The following WNT10A variants were observed in gnomAD, a reference collection of about 807,000 sequenced individuals.
The protein encoded by WNT10A is Wnt family member 10A.
A neutral mutation model predicts 36.1 loss-of-function variants in WNT10A; 37 were observed. That is an observed-to-expected ratio of 1.02 (90% CI 0.79 to 1.35). The LOEUF (loss-of-function observed/expected upper bound fraction) is 1.35. WNT10A is among the 40% of genes most tolerant of loss of function. The pLI is 0.00. For missense variants in WNT10A, 613 were observed against 601.4 expected (o/e 1.02, Z -0.20); for synonymous variants, 255 against 254.1 (o/e 1.00, Z -0.03).
chr2:218,882,582 A>G (rs961211566), intron 2 of WNT10A, among the ~76,000 whole-genome samples, 159 bp downstream of exon 2: 1 of 152,114 alleles, frequency 6.6e-6, no homozygotes, highest in African/African-American at 2.4e-5. Flanking sequence ...TTCTGATCTC[A>G]GGCCATGGGG....
At chr2:218,881,671 G>C (rs1944517779) in intron 1 of WNT10A, among the ~76,000 whole-genome samples, 1 of 152,168 alleles carries the variant, frequency 6.6e-6, no homozygotes, top group African/African-American at 2.4e-5. Flanking sequence ...TGTATGTTAA[G>C]ATGAACACAT....
At position 218,891,612 on chromosome 2, in the gene WNT10A, GCCT is replaced by G. The variant is rs954552180; in HGVS notation, c.757-1145_757-1143del. ...CGCCATCCCAGCCCATACCAACGGT[GCCT>G]CCTCCTCCTCCTCCTCGTTAAACTG... On this transcript the variant is annotated intron_variant, in intron 3 of 3. Transcript: ENST00000258411. 8.6e-5 allele frequency among the ~76,000 whole-genome samples: 13 copies of G among 151,874 alleles called. No individual in the cohort carries two copies. In the South Asian group the frequency reaches 1.5e-3, roughly 17 times the overall value.
chr2:218,886,633 C>T (rs1309890103), intron 2 of WNT10A, among the ~76,000 whole-genome samples: 2 of 136,562 alleles, frequency 1.5e-5, no homozygotes, highest in Non-Finnish European at 3.2e-5. Flanking sequence ...CCCCCACCCA[C>T]CCCCCCACCG....
At chr2:218,890,549 G>C (rs1944639390) in intron 3 of WNT10A, among the ~76,000 whole-genome samples, 186 bp downstream of exon 3, 1 of 152,190 alleles carries the variant, frequency 6.6e-6, no homozygotes, top group Admixed American at 6.5e-5. Flanking sequence ...ACTGGACTAG[G>C]CCTGGGGATA....
rs886039454 is a variant in WNT10A, at chr2:218,892,820, C to G, written c.803C>G (p.Ser268Ter). 3 of 1,596,882 alleles carry G rather than the reference C, an allele frequency of 1.9e-6. No individual in the cohort carries two copies. The highest frequency in any genetic ancestry group is 2.6e-6 in the Non-Finnish European group (3 of 1,173,214). The stretch of plus-strand genomic sequence containing the variant: ...CGGAAGTGCAAGTGCCACGGCACGT[C>G]AGGCAGCTGCCAGCTCAAGACGTGC... ...MRRKCKCHGT[S>*]GSCQLKTCWQ... Residue 268 changes from serine to a stop codon, truncating the protein, a stop_gained, in exon 4 of 4, where the codon TCA becomes TGA. Transcript: ENST00000258411. LOFTEE classifies it high-confidence loss of function.
intron 2 of WNT10A, among the ~76,000 whole-genome samples, chr2:218,886,936 G>A (rs1222000670): frequency 6.6e-6 from 1 of 152,078 alleles, no homozygotes; most frequent in Non-Finnish European, 1.5e-5. Flanking sequence ...CATGGGGTAG[G>A]GGTGTTCTCT....
At chr2:218,890,460 C>CA in intron 3 of WNT10A, 97 bp downstream of exon 3, 2 of 1,539,082 alleles carry the variant, frequency 1.3e-6, no homozygotes, top group Non-Finnish European at 1.8e-6. Flanking sequence ...GTTGCTCCCA[C>CA]ATGTCACACC....
At chr2:218,890,490 C>A (rs949264088) in intron 3 of WNT10A, 127 bp downstream of exon 3, 76 of 1,372,062 alleles carry the variant, frequency 5.5e-5, no homozygotes, top group Non-Finnish European at 7.2e-5. Context: ...TTCTCGTTGA[C>A]CCTGTCTAAT....
intron 2 of WNT10A, among the ~76,000 whole-genome samples, chr2:218,886,217 A>G (rs1384995238): frequency 3.3e-5 from 5 of 151,332 alleles, no homozygotes; most frequent in African/African-American, 9.7e-5. Flanking sequence ...ACGTGCACGC[A>G]CACACACACA....
rs1371718238 is a variant in WNT10A at position 218,892,916 on chromosome 2, TCCGG to T, written c.903_906del (p.Pro302ThrfsTer135). 16 of 1,513,130 alleles carry T rather than the reference TCCGG, an allele frequency of 1.1e-5. No homozygotes were observed. Among genetic ancestry groups the T allele is most frequent in the African/African-American group, 1.4e-5 (1 of 70,124 alleles). The allele number at this position is 1,513,130 out of a possible 1,614,324, so 93.7% of individuals were successfully genotyped here. A position where few individuals can be genotyped will look rare whatever the true frequency, so the allele number is the denominator to read the frequency against. On this transcript the variant is annotated frameshift_variant, in exon 4 of 4. Coordinates refer to ENST00000258411, the MANE Select transcript of WNT10A (RefSeq NM_025216.3). LOFTEE classifies it high-confidence loss of function. Reference sequence around the variant, plus strand: ...AGCCGCTTCCACCGCGCCACGCTCATCCGGCCGCACAACCGCAACGGCGGCCAGC... The same window carrying T: ...AGCCGCTTCCACCGCGCCACGCTCATCCGCACAACCGCAACGGCGGCCAGC...
At chr2:218,880,592 A>G (rs1485400971), upstream of WNT10A, 7 of 193,930 alleles carry the variant, frequency 3.6e-5, no homozygotes, top group Non-Finnish European at 2.1e-5. The surrounding 1 kb of genome is among the most constrained non-coding windows in gnomAD (Gnocchi z 7.7). Flanking sequence ...CCCGCCAGCC[A>G]GCCTCGCACG....
rs928677784 is a variant in WNT10A, at chr2:218,880,873, C to A, written c.-123C>A. ...CGCCGTCTGCTCCGGGAGCCCTGAC[C>A]CGAGTCGGAGCTGTGTGTCGCAGCC... On this transcript the variant is annotated 5_prime_UTR_variant, in exon 1 of 4. Transcript: ENST00000258411. This position sits in a 1 kb window ranked among gnomAD's most constrained non-coding sequence, Gnocchi z 7.7. 7.3e-4 allele frequency: 910 copies of A among 1,250,414 alleles called. 2 individuals carry two copies. The highest frequency in any genetic ancestry group is 9.0e-4 in the Non-Finnish European group (850 of 945,026). 77.5% of individuals were successfully genotyped at this position (1,250,414 alleles called of 1,614,324 possible).
At chr2:218,890,594 C>T (rs1010374716) in intron 3 of WNT10A, among the ~76,000 whole-genome samples, 1 of 152,230 alleles carries the variant, frequency 6.6e-6, no homozygotes, top group Non-Finnish European at 1.5e-5. Context: ...CCTGGATCAG[C>T]ATACCACCTG....
At chr2:218,883,177 C>T (rs1350930406) in intron 2 of WNT10A, among the ~76,000 whole-genome samples, 7 of 152,184 alleles carry the variant, frequency 4.6e-5, no homozygotes, top group Admixed American at 6.5e-5. Flanking sequence ...CTCACACCCA[C>T]CTCCTGGCCT....
chr2:218,891,879 A>G (rs1351830587), intron 3 of WNT10A, among the ~76,000 whole-genome samples: 1 of 152,006 alleles, frequency 6.6e-6, no homozygotes, highest in Admixed American at 6.5e-5. Flanking sequence ...GAGGGAAAGG[A>G]GGGGATGTGG....
rs115685236 is a variant in WNT10A at position 218,886,961 on chromosome 2, C to T, written c.377-3023C>T. 3.1e-3 allele frequency among the ~76,000 whole-genome samples: 466 copies of T among 152,156 alleles called. 2 individuals carry two copies. Among genetic ancestry groups the T allele is most frequent in the African/African-American group, 9.6e-3 (399 of 41,508 alleles). Reference sequence around the variant, plus strand: ...GGGTGTTCTCTGCCGCGGTGGGGTACGTTTCTCCAGTTTCCCCAGGCTTAC... The same window carrying T: ...GGGTGTTCTCTGCCGCGGTGGGGTATGTTTCTCCAGTTTCCCCAGGCTTAC... On this transcript the variant is annotated intron_variant, in intron 2 of 3. Coordinates refer to ENST00000258411, the MANE Select transcript of WNT10A (RefSeq NM_025216.3).
rs371526941 is a variant in WNT10A at position 218,890,383 on chromosome 2, G to A, written c.756+20G>A. ...AGGCAGGTGAGAGCCCCACCCCTGG[G>A]TCTGCTTCAAATCTCTTTGCCTAGG... is the stretch of plus-strand genomic sequence containing the variant. On this transcript the variant is annotated intron_variant, in intron 3 of 3. Coordinates refer to ENST00000258411, the MANE Select transcript of WNT10A (RefSeq NM_025216.3). 18 of 1,599,144 alleles carry A rather than the reference G, an allele frequency of 1.1e-5. No individual in the cohort carries two copies. Among genetic ancestry groups the A allele is most frequent in the Non-Finnish European group, 1.4e-5 (16 of 1,179,928 alleles).
Position 218,893,662 on chromosome 2 carries a change from AT to A in WNT10A, c.*393del, listed in dbSNP as rs1457854772. The A allele has an allele frequency of 4.6e-6, 1 of 216,728 alleles. No individual in the cohort carries two copies. The highest frequency in any genetic ancestry group is 9.0e-6 in the Non-Finnish European group (1 of 110,748). The allele number at this position is 216,728 out of a possible 1,614,324, so 13.4% of individuals were successfully genotyped here. Reference sequence around the variant, plus strand: ...GAAGCTGACGGGCAGAGAGAGGAGGATTAAAAAAAAGAAATAGACATAACTG... The same window carrying A: ...GAAGCTGACGGGCAGAGAGAGGAGGATAAAAAAAAGAAATAGACATAACTG... On this transcript the variant is annotated 3_prime_UTR_variant, in exon 4 of 4. Coordinates refer to ENST00000258411, the MANE Select transcript of WNT10A (RefSeq NM_025216.3). This position sits in a 1 kb window ranked among gnomAD's most constrained non-coding sequence, Gnocchi z 6.3.
upstream of WNT10A, among the ~76,000 whole-genome samples, chr2:218,878,400 G>GT (rs928886309): frequency 2.6e-4 from 40 of 151,258 alleles, 1 homozygote; most frequent in African/African-American, 5.1e-4. The surrounding 1 kb of genome is among the most constrained non-coding windows in gnomAD (Gnocchi z 4.1). Flanking sequence ...AGGCTTTTTT[G>GT]TTTTTTTTTA....
Sources: allele counts gnomAD v4.1 joint callset (sites outside exome capture counted in the v4.1 genomes callset), GRCh38; gene constraint gnomAD v4.1.1; non-coding constraint Gnocchi (gnomAD v3.1); transcripts MANE v1.5; gene names NCBI Gene and HGNC (gene_info 2026-07-23, HGNC 2026-07-21).